The following ZNF83 variants were observed in gnomAD, a reference collection of about 807,000 sequenced individuals.
The protein encoded by ZNF83 is zinc finger protein 816B.
For synonymous variants in ZNF83, 209 were observed against 213.0 expected, an observed-to-expected ratio of 0.98 and a Z score of 0.17; for missense variants, 552 against 629.9, an observed-to-expected ratio of 0.88 and a Z score of 1.32.
At chr19:52,649,943 C>A (rs112268050) in intron 3 of ZNF83, among the ~76,000 whole-genome samples, 2,852 of 152,228 alleles carry the variant, frequency 0.019, 43 homozygotes, top group Non-Finnish European at 0.031. Flanking sequence ...GCTTAAGCCT[C>A]CATTTGCCAG....
intron 1 of ZNF83, among the ~76,000 whole-genome samples, chr19:52,687,432 TTATATAGC>T (rs2062040405): frequency 5.3e-5 from 1 of 18,850 alleles, no homozygotes; most frequent in South Asian, 1.2e-3. Flanking sequence ...AAATTATAAT[TTATATAGC>T]TATATAAATT....
chr19:52,652,904 C>T, intron 3 of ZNF83: 2 of 1,117,376 alleles, frequency 1.8e-6, no homozygotes, highest in South Asian at 2.5e-5. Flanking sequence ...TAAGGTTTCT[C>T]TCCACTATGA....
chr19:52,680,970 T>C lies in ZNF83; in HGVS notation c.-283+9473A>G, dbSNP rs114273482. 2.9e-3 allele frequency among the ~76,000 whole-genome samples: 440 copies of C among 151,812 alleles called. 3 individuals carry two copies. Among genetic ancestry groups the C allele is most frequent in the African/African-American group, 0.01 (421 of 41,412 alleles). On this transcript the variant is annotated intron_variant, in intron 1 of 5. Coordinates refer to the ZNF83 transcript ENST00000594682. Reference sequence around the variant, plus strand: ...GTGGATGTCTCGGTTTTATGGACAATGTAAAAAATATACAAATAAAAAGGA... The same window carrying C: ...GTGGATGTCTCGGTTTTATGGACAACGTAAAAAATATACAAATAAAAAGGA...
intron 2 of ZNF83, among the ~76,000 whole-genome samples, chr19:52,630,648 C>G (rs1030078604): frequency 6.6e-6 from 1 of 152,046 alleles, no homozygotes; most frequent in African/African-American, 2.4e-5. Context: ...CTCTCGTATC[C>G]CCCCACCTTA....
At chr19:52,639,415 A>ATTTTTTTTTTTTTTTTT (rs1160711365), upstream of ZNF83, among the ~76,000 whole-genome samples, 10 of 86,298 alleles carry the variant, frequency 1.2e-4, no homozygotes, top group East Asian at 5.6e-4. Flanking sequence ...AGTTTTTTCT[A>ATTTTTTTTTTTTTTTTT]TTTTTTTTTT....
chr19:52,647,842 C>A (rs1385109539), intron 3 of ZNF83, among the ~76,000 whole-genome samples: 1 of 151,676 alleles, frequency 6.6e-6, no homozygotes, highest in Non-Finnish European at 1.5e-5. Flanking sequence ...ATATTTCCAC[C>A]TCTTCTCCCA....
intron 3 of ZNF83, chr19:52,654,101 G>A: frequency 6.2e-7 from 1 of 1,604,668 alleles, no homozygotes; most frequent in Non-Finnish European, 8.5e-7. Context: ...TGCAGTTCAG[G>A]CAGATGTGAA....
chr19:52,679,671 C>G (rs778108414), intron 1 of ZNF83, among the ~76,000 whole-genome samples: 1 of 152,124 alleles, frequency 6.6e-6, no homozygotes, highest in Non-Finnish European at 1.5e-5. Context: ...CAGTGTGATG[C>G]TTTCTATCTC....
intron 1 of ZNF83, among the ~76,000 whole-genome samples, chr19:52,670,626 C>T (rs987033269): frequency 4.6e-5 from 7 of 152,112 alleles, no homozygotes; most frequent in African/African-American, 1.7e-4. Context: ...ATTTATTCTG[C>T]ACTAAATATG....
At chr19:52,687,260 C>T in intron 1 of ZNF83, among the ~76,000 whole-genome samples, 1 of 145,538 alleles carries the variant, frequency 6.9e-6, no homozygotes, top group Non-Finnish European at 1.5e-5. Flanking sequence ...GAGGTCAAAG[C>T]AGGAGGATCC....
intron 2 of ZNF83, among the ~76,000 whole-genome samples, chr19:52,656,822 T>C (rs1046622869): frequency 4.4e-4 from 63 of 144,656 alleles, no homozygotes; most frequent in Non-Finnish European, 5.2e-4. Context: ...GCTGAGATAG[T>C]GCCATTTCAT....
At chr19:52,681,928 A>C (rs1344031179) in intron 1 of ZNF83, among the ~76,000 whole-genome samples, 1 of 152,170 alleles carries the variant, frequency 6.6e-6, no homozygotes, top group Non-Finnish European at 1.5e-5. Flanking sequence ...GCTCACTGCA[A>C]CCTCGTTTGC....
chr19:52,623,635 A>G (rs147617135), intron 2 of ZNF83, among the ~76,000 whole-genome samples: 138 of 151,484 alleles, frequency 9.1e-4, no homozygotes, highest in Middle Eastern at 3.4e-3. Flanking sequence ...CCCCACCTTA[A>G]CCCACAGGTA....
chr19:52,668,283 A>G (rs538433455), intron 1 of ZNF83, among the ~76,000 whole-genome samples: 4 of 152,102 alleles, frequency 2.6e-5, no homozygotes, highest in Non-Finnish European at 2.9e-5. Context: ...AAAGGGAGGG[A>G]CACATCACAC....
Position 52,629,081 on chromosome 19 carries a change from A to C in ZNF83, c.-234+5985T>G, listed in dbSNP as rs540728820. On this transcript the variant is annotated intron_variant, in intron 2 of 2. Transcript: ENST00000301096. ...TTCTCCCTTTCCTGTGTTCTTAAGA[A>C]CTTAAAACCTCTTCAACTCTCACCT... 1.2e-3 allele frequency among the ~76,000 whole-genome samples: 187 copies of C among 152,002 alleles called. 1 individual carries two copies. The highest frequency in any genetic ancestry group is 1.4e-3 in the Admixed American group (21 of 15,268).
At chr19:52,671,680 C>T (rs1248078614) in intron 1 of ZNF83, among the ~76,000 whole-genome samples, 4 of 152,122 alleles carry the variant, frequency 2.6e-5, no homozygotes, top group Non-Finnish European at 2.9e-5. Context: ...TGGACTCAAG[C>T]GATCAACCCA....
At chr19:52,649,260 AG>A (rs1487703307) in intron 3 of ZNF83, among the ~76,000 whole-genome samples, 1 of 152,188 alleles carries the variant, frequency 6.6e-6, no homozygotes, top group Non-Finnish European at 1.5e-5. Flanking sequence ...TGCAGTTGTC[AG>A]GAAGTCCCAA....
chr19:52,679,992 C>T (rs1428225047), intron 1 of ZNF83, among the ~76,000 whole-genome samples: 1 of 152,044 alleles, frequency 6.6e-6, no homozygotes, highest in Non-Finnish European at 1.5e-5. Context: ...CCAGACTGAC[C>T]AACATGGAGA....
exon 3 of ZNF83, chr19:52,612,981 A>C: frequency 6.6e-7 from 1 of 1,517,274 alleles, no homozygotes; most frequent in African/African-American, 1.4e-5. Context: ...TATGTCTTAC[A>C]AGGCTTTAAT....
Sources: allele counts gnomAD v4.1 joint callset (sites outside exome capture counted in the v4.1 genomes callset), GRCh38; gene constraint gnomAD v4.1.1; transcripts MANE v1.5; gene names NCBI Gene and HGNC (gene_info 2026-07-23, HGNC 2026-07-21).